TMPRSS7: variants seen among roughly 807,000 people sequenced by gnomAD.
TMPRSS7 encodes transmembrane protease serine 7.
In TMPRSS7, 81 loss-of-function variants were observed where a neutral mutation model predicts 95.6. The ratio of observed to expected loss-of-function variants is 0.85; its 90% CI spans 0.71 to 1.02. The LOEUF is 1.02. Among genes scored for constraint, TMPRSS7 ranks in the 50% least tolerant of loss-of-function variants. The pLI, the probability that TMPRSS7 is intolerant of heterozygous loss-of-function variation, is 0.00. For synonymous variants in TMPRSS7, 364 were observed against 337.8 expected (o/e 1.08, Z -0.85); for missense variants, 945 against 955.2 (o/e 0.99, Z 0.14).
intron 16 of TMPRSS7, 51 bp downstream of exon 16, chr3:112,077,195 G>A: frequency 6.3e-7 from 1 of 1,587,636 alleles, no homozygotes; most frequent in Non-Finnish European, 8.6e-7. Context: ...GGATGATAAG[G>A]TGTTTATGTA....
intron 5 of TMPRSS7, among the ~76,000 whole-genome samples, chr3:112,046,399 G>T (rs1179535435): frequency 6.6e-6 from 1 of 152,046 alleles, no homozygotes; most frequent in Non-Finnish European, 1.5e-5. Context: ...TAGTAAAATG[G>T]TTTAATGATT....
intron 13 of TMPRSS7, among the ~76,000 whole-genome samples, chr3:112,071,924 C>T (rs1488515744): frequency 6.6e-6 from 1 of 152,162 alleles, no homozygotes; most frequent in Non-Finnish European, 1.5e-5. Context: ...TTTGTTATTA[C>T]CTACCTTCTG....
chr3:112,041,318 T>C (rs941199480), intron 2 of TMPRSS7, among the ~76,000 whole-genome samples: 1 of 152,180 alleles, frequency 6.6e-6, no homozygotes, highest in African/African-American at 2.4e-5. Context: ...GAATGGATCT[T>C]AGAGGGGAAG....
In TMPRSS7 at chr3:112,038,313, T is replaced by C. The variant is rs185867875; in HGVS notation, c.290T>C (p.Leu97Pro). ...GTCATAGCCTGGACACTTCTGTGGC[T>C]GTATATCAGTAAGTTAAAAATCTGT... The change falls in exon 2 of 18, where the codon CTG becomes CCG. Residue 97 changes from leucine to proline, a missense_variant. Coordinates refer to ENST00000452346, the Ensembl canonical transcript of TMPRSS7. The C allele has an allele frequency of 2.3e-5, 16 of 701,724 alleles. No homozygotes were observed. The East Asian group carries it at 4.3e-4, about 19-fold the overall frequency. The allele number at this position is 701,724 out of a possible 1,614,324, so 43.5% of individuals were successfully genotyped here. A position where few individuals can be genotyped will look rare whatever the true frequency, so the allele number is the denominator to read the frequency against.
intron 2 of TMPRSS7, among the ~76,000 whole-genome samples, chr3:112,041,406 C>G (rs2073206727): frequency 6.6e-6 from 1 of 152,092 alleles, no homozygotes; most frequent in Non-Finnish European, 1.5e-5. Flanking sequence ...ATGTGCTGGG[C>G]CTTGTGCTAA....
At chr3:112,039,273 T>C (rs541051825) in intron 2 of TMPRSS7, among the ~76,000 whole-genome samples, 1 of 152,366 alleles carries the variant, frequency 6.6e-6, no homozygotes, top group Non-Finnish European at 1.5e-5. Context: ...GTGAAATACA[T>C]AGTTATTCTG....
Position 112,057,429 on chromosome 3 carries a change from G to A in TMPRSS7, c.1310+298G>A, listed in dbSNP as rs137987051. Among the ~76,000 whole-genome samples the A allele has an allele frequency of 5.2e-3, 787 of 152,226 alleles. 9 individuals carry two copies. The highest frequency in any genetic ancestry group is 6.8e-3 in the Middle Eastern group (2 of 294). On this transcript the variant is annotated intron_variant, in intron 10 of 17. Transcript: ENST00000452346. ...AGTTTTTCAAATCCTGGATCCATGG[G>A]GGAATATAATAAATTGGGGTTCTGC...
At chr3:112,066,119 A>G (rs1299889085) in intron 12 of TMPRSS7, among the ~76,000 whole-genome samples, 1 of 152,194 alleles carries the variant, frequency 6.6e-6, no homozygotes, top group African/African-American at 2.4e-5. Context: ...ATAAATTACT[A>G]TGATGCATTT....
At chr3:112,080,527 CACTACTACTACT>C (rs34943450) in intron 17 of TMPRSS7, among the ~76,000 whole-genome samples, 17 of 145,934 alleles carry the variant, frequency 1.2e-4, no homozygotes, top group African/African-American at 4.4e-4. Flanking sequence ...TTTTAGCCCT[CACTACTACTACT>C]ACTACTACCA....
rs1559951938 is a variant in TMPRSS7 at position 112,041,882 on chromosome 3, G to A, written c.299-38G>A. The A allele has an allele frequency of 2.9e-6, 4 of 1,361,082 alleles. No individual in the cohort carries two copies. In the East Asian group the frequency reaches 1.0e-4, roughly 34 times the overall value. The allele number at this position is 1,361,082 out of a possible 1,614,324, so 84.3% of individuals were successfully genotyped here. ...GACAATTCCTTACTGCCACACAGATGGGAAAGCCTCCGAATCTTGTTCTTT... is the reference window on the plus strand; with the variant it reads ...GACAATTCCTTACTGCCACACAGATAGGAAAGCCTCCGAATCTTGTTCTTT... On this transcript the variant is annotated intron_variant, in intron 2 of 17. Coordinates refer to ENST00000452346, the Ensembl canonical transcript of TMPRSS7.
At chr3:112,050,582 G>T in intron 8 of TMPRSS7, 89 bp from the exon 9 acceptor site, 2 of 400,948 alleles carry the variant, frequency 5.0e-6, no homozygotes, top group Non-Finnish European at 9.0e-6. Context: ...TCAAGGAAGT[G>T]TGCCTTAGTA....
At chr3:112,071,136 G>T (rs1451173978) in intron 13 of TMPRSS7, among the ~76,000 whole-genome samples, 1 of 152,168 alleles carries the variant, frequency 6.6e-6, no homozygotes, top group Non-Finnish European at 1.5e-5. Flanking sequence ...TGTAAGGCAG[G>T]CCTAGTGGTG....
intron 6 of TMPRSS7, among the ~76,000 whole-genome samples, 189 bp downstream of exon 6, chr3:112,047,201 G>T (rs1433863684): frequency 1.3e-5 from 2 of 152,138 alleles, no homozygotes; most frequent in South Asian, 2.1e-4. Context: ...GAGTGTGCTG[G>T]CGTTAGTTAT....
At chr3:112,057,690 G>A (rs939593164) in intron 10 of TMPRSS7, among the ~76,000 whole-genome samples, 17 of 152,026 alleles carry the variant, frequency 1.1e-4, no homozygotes, top group Non-Finnish European at 1.9e-4. Flanking sequence ...GATTACATAG[G>A]CACTGAATTA....
rs1357043263 is a variant in TMPRSS7 at position 112,062,048 on chromosome 3, C to G, written c.1447+125C>G. ...TATTTCTGCTATTTCCTTTTACATA[C>G]TTATTTCTATAATAAATAATAATTA... On this transcript the variant is annotated intron_variant, in intron 11 of 17. Transcript: ENST00000452346. The G allele has an allele frequency of 8.3e-6, 4 of 480,686 alleles. No homozygotes were observed. In the East Asian group the frequency reaches 1.3e-4, roughly 16 times the overall value. 29.8% of individuals were successfully genotyped at this position (480,686 alleles called of 1,614,324 possible).
At chr3:112,038,093 G>A in exon 2 of TMPRSS7, 1 of 702,534 alleles carries the variant, frequency 1.4e-6, no homozygotes, top group Non-Finnish European at 2.6e-6. Flanking sequence ...CTCAGTCCAA[G>A]TGGTCAGTGC....
intron 2 of TMPRSS7, among the ~76,000 whole-genome samples, chr3:112,038,923 G>A (rs2073178745): frequency 6.6e-6 from 1 of 152,108 alleles, no homozygotes; most frequent in African/African-American, 2.4e-5. Context: ...AGGATGCTCA[G>A]GAGATTTTGA....
chr3:112,080,193 A>G (rs1019177805), intron 17 of TMPRSS7, among the ~76,000 whole-genome samples: 1 of 152,212 alleles, frequency 6.6e-6, no homozygotes, highest in Non-Finnish European at 1.5e-5. Flanking sequence ...TAGATATTAT[A>G]ATTTAAAGGA....
intron 3 of TMPRSS7, among the ~76,000 whole-genome samples, 173 bp from the exon 4 acceptor site, chr3:112,044,082 G>C (rs1421284162): frequency 6.6e-6 from 1 of 152,184 alleles, no homozygotes; most frequent in East Asian, 1.9e-4. Flanking sequence ...ATTGTTGCAG[G>C]AAGAATTTAT....
Sources: allele counts gnomAD v4.1 joint callset (sites outside exome capture counted in the v4.1 genomes callset), GRCh38; gene constraint gnomAD v4.1.1; transcripts MANE v1.5; gene names NCBI Gene and HGNC (gene_info 2026-07-23, HGNC 2026-07-21).